CRTAC1: variants seen among roughly 807,000 people sequenced by gnomAD.
CRTAC1 encodes the protein acidic secreted protein in cartilage.
Under a neutral mutation model 67.8 loss-of-function variants are expected in CRTAC1, and 37 were observed. The ratio of observed to expected loss-of-function variants is 0.55; its 90% confidence interval spans 0.42 to 0.72. CRTAC1 has a LOEUF of 0.72. Among genes scored for constraint, CRTAC1 ranks in the 30% least tolerant of loss-of-function variants. The pLI is 0.00. For missense variants in CRTAC1, 780 were observed against 931.6 expected, an observed-to-expected ratio of 0.84 and a Z score of 2.12; for synonymous variants, 348 against 371.0, an observed-to-expected ratio of 0.94 and a Z score of 0.71.
intron 12 of CRTAC1, among the ~76,000 whole-genome samples, chr10:97,883,726 G>A (rs1184432368): frequency 6.6e-6 from 1 of 152,208 alleles, no homozygotes; most frequent in Non-Finnish European, 1.5e-5. Context: ...CCCCATCAGA[G>A]TTGGAACGAC....
At chr10:97,938,950 A>G (rs994058004) in intron 2 of CRTAC1, among the ~76,000 whole-genome samples, 11 of 152,206 alleles carry the variant, frequency 7.2e-5, no homozygotes, top group African/African-American at 2.4e-4. Context: ...TGTTGTTTGA[A>G]CAAGGGATTC....
intron 2 of CRTAC1, among the ~76,000 whole-genome samples, chr10:97,942,287 A>G (rs2051187427): frequency 6.6e-6 from 1 of 152,122 alleles, no homozygotes; most frequent in African/African-American, 2.4e-5. Flanking sequence ...GCTCTTAATA[A>G]ACCACCGCAG....
rs1321278482 is a variant in CRTAC1 at position 98,005,081 on chromosome 10, CAT to C, written c.224+6055_224+6056del. 2.3e-3 allele frequency among the ~76,000 whole-genome samples: 128 copies of C among 54,536 alleles called. 2 individuals carry two copies. Among genetic ancestry groups the C allele is most frequent in the Middle Eastern group, 0.012 (1 of 84 alleles). 35.8% of individuals were successfully genotyped at this position (54,536 alleles called of 152,430 possible). ...TGCTTAAGTGTAATGTAAAGTAATA[CAT>C]ATATATATATATATATATTTTTTTT... On this transcript the variant is annotated intron_variant, in intron 2 of 14. Coordinates refer to ENST00000370597, the MANE Select transcript of CRTAC1 (RefSeq NM_018058.7).
chr10:97,882,502 G>T (rs747271761), intron 13 of CRTAC1, among the ~76,000 whole-genome samples: 13 of 152,186 alleles, frequency 8.5e-5, no homozygotes, highest in Non-Finnish European at 1.6e-4. Flanking sequence ...CCAGGTTGGT[G>T]GTGTGTCTCC....
At chr10:97,996,065 C>A (rs1427172824) in intron 2 of CRTAC1, among the ~76,000 whole-genome samples, 1 of 151,880 alleles carries the variant, frequency 6.6e-6, no homozygotes, top group Non-Finnish European at 1.5e-5. Context: ...TTCCTTACAC[C>A]TTATACAAAA....
chr10:97,972,842 C>T (rs2051736980), intron 2 of CRTAC1, among the ~76,000 whole-genome samples: 1 of 151,826 alleles, frequency 6.6e-6, no homozygotes, highest in African/African-American at 2.4e-5. Flanking sequence ...AACTCAAGTT[C>T]AAAAAACAAC....
chr10:97,996,342 A>T (rs1842567832), intron 2 of CRTAC1, among the ~76,000 whole-genome samples: 5 of 148,624 alleles, frequency 3.4e-5, no homozygotes, highest in African/African-American at 7.4e-5. Context: ...CATCTGACAA[A>T]GGGCTAATAT....
chr10:97,975,773 C>T lies in CRTAC1; in HGVS notation c.224+35365G>A, dbSNP rs879486399. Among the ~76,000 whole-genome samples the T allele has an allele frequency of 5.9e-5, 9 of 152,232 alleles. No homozygotes were observed. The highest frequency in any genetic ancestry group is 2.2e-4 in the African/African-American group (9 of 41,470). ...CAGAGGCCCTGTCTAAATGCTCCTCCGCCCTCTGTGCCAAGAGCCTCTCCA... is the reference window on the plus strand; with the variant it reads ...CAGAGGCCCTGTCTAAATGCTCCTCTGCCCTCTGTGCCAAGAGCCTCTCCA... On this transcript the variant is annotated intron_variant, in intron 2 of 14. Transcript: ENST00000370597. The surrounding 1 kb of genome is among the most constrained non-coding windows in gnomAD (Gnocchi z 4.8).
chr10:97,904,872 T>TG lies in CRTAC1; in HGVS notation c.851-59_851-58insC, dbSNP rs1365715757. The TG allele has an allele frequency of 9.6e-5, 144 of 1,502,018 alleles. 2 individuals are homozygous for TG. The South Asian group carries it at 1.1e-3, about 11-fold the overall frequency. The allele number at this position is 1,502,018 out of a possible 1,614,324, so 93.0% of individuals were successfully genotyped here. ...CATCCCCTGCACACTCCACAAACAC[T>TG]CACCCTGCTCTAGCTCTGTGACAAG... On this transcript the variant is annotated intron_variant, in intron 6 of 14. Coordinates refer to ENST00000370597, the MANE Select transcript of CRTAC1 (RefSeq NM_018058.7).
intron 3 of CRTAC1, among the ~76,000 whole-genome samples, chr10:97,934,545 G>A (rs2051052402): frequency 6.6e-6 from 1 of 152,192 alleles, no homozygotes; most frequent in South Asian, 2.1e-4. Flanking sequence ...AACATCAGGG[G>A]CAGTCTAGGG....
At chr10:97,972,180 G>A (rs1023808493) in intron 2 of CRTAC1, among the ~76,000 whole-genome samples, 3 of 152,184 alleles carry the variant, frequency 2.0e-5, no homozygotes, top group African/African-American at 7.2e-5. Context: ...CACCAGAACA[G>A]AAAACAAGTT....
At chr10:97,965,383 A>C (rs1207766359) in intron 2 of CRTAC1, among the ~76,000 whole-genome samples, 1 of 152,232 alleles carries the variant, frequency 6.6e-6, no homozygotes, top group Non-Finnish European at 1.5e-5. Context: ...GCAGTTAAGT[A>C]ACTTGTCCAG....
intron 2 of CRTAC1, among the ~76,000 whole-genome samples, chr10:97,950,137 A>G (rs971325345): frequency 6.6e-6 from 1 of 152,144 alleles, no homozygotes; most frequent in Non-Finnish European, 1.5e-5. Flanking sequence ...CAGTTTCCTC[A>G]TCTATAAAGT....
chr10:97,990,254 C>A (rs548134252), intron 2 of CRTAC1, among the ~76,000 whole-genome samples: 1 of 152,304 alleles, frequency 6.6e-6, no homozygotes, highest in African/African-American at 2.4e-5. Context: ...TTACTCCTAC[C>A]TGCTTGGCTT....
At chr10:97,868,303 G>A (rs2050051402) in intron 14 of CRTAC1, 1 of 152,336 alleles carries the variant, frequency 6.6e-6, no homozygotes, top group Non-Finnish European at 1.5e-5. Context: ...GAGAGGGTGG[G>A]TGACTTGCCC....
intron 1 of CRTAC1, among the ~76,000 whole-genome samples, chr10:98,013,756 G>A (rs889877350): frequency 6.6e-6 from 1 of 152,212 alleles, no homozygotes; most frequent in African/African-American, 2.4e-5. Context: ...GCCAACCCAT[G>A]TGGTTTTCCT....
intron 1 of CRTAC1, among the ~76,000 whole-genome samples, chr10:98,015,785 G>T (rs762794865): frequency 2.0e-5 from 3 of 152,182 alleles, no homozygotes; most frequent in Non-Finnish European, 4.4e-5. Context: ...CAATAATTCT[G>T]CAGTGGAGCA....
chr10:97,993,579 T>C (rs774967430), intron 2 of CRTAC1, among the ~76,000 whole-genome samples: 4 of 152,238 alleles, frequency 2.6e-5, no homozygotes, highest in Non-Finnish European at 5.9e-5. Context: ...GGTAGGCTTG[T>C]AGAATTTGCT....
Position 97,880,156 on chromosome 10 carries a change from G to T in CRTAC1, c.1819+93C>A, listed in dbSNP as rs574504969. The T allele has an allele frequency of 3.8e-5, 54 of 1,417,286 alleles. No individual in the cohort carries two copies. The Admixed American group carries it at 5.2e-4, about 14-fold the overall frequency. The allele number at this position is 1,417,286 out of a possible 1,614,324, so 87.8% of individuals were successfully genotyped here. On this transcript the variant is annotated intron_variant, in intron 14 of 14. Transcript: ENST00000370597. The stretch of plus-strand genomic sequence containing the variant: ...GACTCTATCCAGCCAGGAGAAGGAA[G>T]GGGCTGGGGACCTTGATCTGGGGCC...
Sources: allele counts gnomAD v4.1 joint callset (sites outside exome capture counted in the v4.1 genomes callset), GRCh38; gene constraint gnomAD v4.1.1; non-coding constraint Gnocchi (gnomAD v3.1); transcripts MANE v1.5; gene names NCBI Gene and HGNC (gene_info 2026-07-23, HGNC 2026-07-21).